Variants in GABBR2 observed in about 807,000 individuals in gnomAD.
GABBR2 encodes the protein G-protein coupled receptor 51.
In GABBR2, 23 loss-of-function variants were observed where a neutral mutation model predicts 105.6. The ratio of observed to expected loss-of-function variants is 0.22; its 90% confidence interval spans 0.16 to 0.31. The LOEUF (loss-of-function observed/expected upper bound fraction) is 0.31, where lower values mean the gene tolerates loss of function less well. Ranked by LOEUF, GABBR2 falls within the 10% of genes least tolerant of loss-of-function variation. The probability of loss-of-function intolerance (pLI) is 1.00; values close to 1 mark genes in which losing one functional copy is unlikely to be tolerated. For synonymous variants in GABBR2, 478 were observed against 499.7 expected (o/e 0.96, Z 0.58); for missense variants, 734 against 1,245.5 (o/e 0.59, Z 6.18).
chr9:98,661,987 T>C (rs1447934094), intron 1 of GABBR2, among the ~76,000 whole-genome samples: 1 of 152,136 alleles, frequency 6.6e-6, no homozygotes, highest in African/African-American at 2.4e-5. Context: ...GCTCAACTTC[T>C]CCCACTTCAG....
In GABBR2 at chr9:98,290,216, C is replaced by T. The variant is rs1388478542; in HGVS notation, c.*368G>A. ...CCTCTTCCCAAGGCTGCTCGAGCCA[C>T]TCCGTGACTTCCAGCTGGAGTTCTA... On this transcript the variant is annotated 3_prime_UTR_variant, in exon 19 of 19. Transcript: ENST00000259455. 6.2e-6 allele frequency: 1 copy of T among 162,510 alleles called. No individual in the cohort carries two copies. The highest frequency in any genetic ancestry group is 2.4e-5 in the African/African-American group (1 of 41,566). 10.1% of individuals were successfully genotyped at this position (162,510 alleles called of 1,614,324 possible).
chr9:98,465,895 G>C lies in GABBR2; in HGVS notation c.999+7251C>G, dbSNP rs533072353. Among the ~76,000 whole-genome samples the C allele has an allele frequency of 6.1e-4, 93 of 152,316 alleles. No individual in the cohort carries two copies. The Middle Eastern group carries it at 0.014, about 22-fold the overall frequency. On this transcript the variant is annotated intron_variant, in intron 6 of 18. Coordinates refer to ENST00000259455, the MANE Select transcript of GABBR2 (RefSeq NM_005458.8). ...TCCTGCCCAAATCCCATGTCAAATTGCAATCCCCAGTGTTGGAGGAGGAGC... is the reference window on the plus strand; with the variant it reads ...TCCTGCCCAAATCCCATGTCAAATTCCAATCCCCAGTGTTGGAGGAGGAGC...
chr9:98,356,520 G>A (rs905712837), intron 13 of GABBR2, among the ~76,000 whole-genome samples: 5 of 152,204 alleles, frequency 3.3e-5, no homozygotes, highest in South Asian at 2.1e-4. Context: ...CCAAATGCAG[G>A]CAAGGATGTG....
intron 1 of GABBR2, among the ~76,000 whole-genome samples, chr9:98,624,836 C>T (rs1244868675): frequency 1.6e-4 from 25 of 152,334 alleles, no homozygotes; most frequent in Non-Finnish European, 1.5e-5. Flanking sequence ...AGGGAGGCAG[C>T]TTGCATCAAT....
chr9:98,329,046 T>C (rs982786287), intron 13 of GABBR2, among the ~76,000 whole-genome samples: 1 of 152,170 alleles, frequency 6.6e-6, no homozygotes, highest in African/African-American at 2.4e-5. Context: ...GCCCAATATG[T>C]ATAAAGCCCC....
chr9:98,327,059 G>A (rs896285794), intron 13 of GABBR2, among the ~76,000 whole-genome samples: 7 of 152,286 alleles, frequency 4.6e-5, no homozygotes, highest in African/African-American at 7.2e-5. Context: ...TGGGCTAAAC[G>A]CTTCTTTTGA....
At chr9:98,349,200 C>T (rs1245650489) in intron 13 of GABBR2, among the ~76,000 whole-genome samples, 2 of 151,742 alleles carry the variant, frequency 1.3e-5, no homozygotes, top group Admixed American at 6.6e-5. Context: ...GGTTTTTGTC[C>T]TTCATTCTCT....
At chr9:98,654,265 C>T (rs1830150077) in intron 1 of GABBR2, among the ~76,000 whole-genome samples, 1 of 152,216 alleles carries the variant, frequency 6.6e-6, no homozygotes, top group Non-Finnish European at 1.5e-5. Context: ...TGTTTAAGTG[C>T]CTCAACTTTG....
intron 3 of GABBR2, among the ~76,000 whole-genome samples, chr9:98,507,378 T>C (rs990533991): frequency 1.3e-5 from 2 of 152,082 alleles, no homozygotes; most frequent in Non-Finnish European, 2.9e-5. Context: ...TCAAAGATGC[T>C]CTGCTGCTGG....
chr9:98,604,945 C>T (rs948793263), intron 1 of GABBR2, among the ~76,000 whole-genome samples: 1 of 152,210 alleles, frequency 6.6e-6, no homozygotes, highest in African/African-American at 2.4e-5. Context: ...ATGACTGAGC[C>T]CTCATGATAT....
In GABBR2 at chr9:98,607,631, G is replaced by A. The variant is rs966956179; in HGVS notation, c.322-29559C>T. The A allele has an allele frequency of 5.5e-5, 40 of 724,292 alleles. No individual in the cohort carries two copies. In the Admixed American group the frequency reaches 7.8e-4, roughly 14 times the overall value. 44.9% of individuals were successfully genotyped at this position (724,292 alleles called of 1,614,324 possible). On this transcript the variant is annotated intron_variant, in intron 1 of 18. Transcript: ENST00000259455. ...ATCAGAGGAAAGCAGCATCCTTGGG[G>A]TATTGCTGAAGTTGAAAATGGTGAA...
intron 3 of GABBR2, among the ~76,000 whole-genome samples, chr9:98,499,684 C>T (rs948397091): frequency 3.3e-5 from 5 of 152,232 alleles, no homozygotes; most frequent in Admixed American, 3.3e-4. Flanking sequence ...CCCTTTAGTG[C>T]ACTGATGGAA....
Position 98,464,489 on chromosome 9 carries a change from G to T in GABBR2, c.999+8657C>A, listed in dbSNP as rs558442894. On this transcript the variant is annotated intron_variant, in intron 6 of 18. Coordinates refer to ENST00000259455, the MANE Select transcript of GABBR2 (RefSeq NM_005458.8). ...CTGCCTGGCCGCCCCCATCTGGGAAGTGAGGAGTGCCTCTGCCCAGCCGCC... is the reference window on the plus strand; with the variant it reads ...CTGCCTGGCCGCCCCCATCTGGGAATTGAGGAGTGCCTCTGCCCAGCCGCC... 8.6e-5 allele frequency among the ~76,000 whole-genome samples: 13 copies of T among 150,912 alleles called. No individual in the cohort carries two copies. In the South Asian group the frequency reaches 2.5e-3, roughly 29 times the overall value.
intron 6 of GABBR2, among the ~76,000 whole-genome samples, chr9:98,461,052 T>C (rs1027055328): frequency 6.6e-6 from 1 of 152,080 alleles, no homozygotes; most frequent in African/African-American, 2.4e-5. Context: ...TCAATACATC[T>C]CTCAATATTA....
intron 1 of GABBR2, among the ~76,000 whole-genome samples, chr9:98,681,860 CT>C (rs1360096356): frequency 1.3e-5 from 2 of 152,118 alleles, no homozygotes; most frequent in African/African-American, 2.4e-5. Context: ...ACTTGCAGGA[CT>C]TTCTAAGCAT....
chr9:98,577,109 C>T (rs796572494), intron 2 of GABBR2, among the ~76,000 whole-genome samples: 1 of 434 alleles, frequency 2.3e-3, no homozygotes, highest in African/African-American at 7.7e-3. Context: ...GATAGCTGAA[C>T]GGGTGGATGG....
chr9:98,335,907 T>C (rs1831106742), intron 13 of GABBR2, among the ~76,000 whole-genome samples: 1 of 152,212 alleles, frequency 6.6e-6, no homozygotes, highest in African/African-American at 2.4e-5. Context: ...CAACATATAT[T>C]GAGCTGTGTG....
intron 6 of GABBR2, among the ~76,000 whole-genome samples, chr9:98,466,270 G>A (rs1471106005): frequency 1.3e-5 from 2 of 152,186 alleles, no homozygotes; most frequent in African/African-American, 4.8e-5. Flanking sequence ...AAAAGCTGTG[G>A]AGTTCAAAAG....
chr9:98,414,512 G>A (rs1277742676), intron 7 of GABBR2, among the ~76,000 whole-genome samples: 1 of 152,236 alleles, frequency 6.6e-6, no homozygotes, highest in Non-Finnish European at 1.5e-5. Context: ...CATTTTGAAT[G>A]CAAGAGGAGC....
Sources: allele counts gnomAD v4.1 joint callset (sites outside exome capture counted in the v4.1 genomes callset), GRCh38; gene constraint gnomAD v4.1.1; transcripts MANE v1.5; gene names NCBI Gene and HGNC (gene_info 2026-07-23, HGNC 2026-07-21).